Variants in SRP19 observed in about 807,000 individuals in gnomAD.
SRP19 encodes the protein signal recognition particle 19 kDa protein.
In SRP19, 11 loss-of-function variants were observed where a neutral mutation model predicts 22.4. That is an observed-to-expected ratio of 0.49 (90% CI 0.31 to 0.81). SRP19 has a LOEUF of 0.81. Among genes scored for constraint, SRP19 ranks in the 40% least tolerant of loss-of-function variants. The pLI is 0.05. For missense variants in SRP19, 168 were observed against 175.9 expected (o/e 0.96, Z 0.25); for synonymous variants, 61 against 57.6 (o/e 1.06, Z -0.27).
At chr5:112,890,488 C>T (rs533096666) in intron 4 of SRP19, among the ~76,000 whole-genome samples, 1 of 150,272 alleles carries the variant, frequency 6.7e-6, no homozygotes, top group Non-Finnish European at 1.5e-5. Context: ...CCCGCCTCAG[C>T]CCCCCAGGTA....
exon 5 of SRP19, chr5:112,892,209 C>T (rs780495653): frequency 1.1e-5 from 17 of 1,614,126 alleles, no homozygotes; most frequent in Admixed American, 1.7e-5. Flanking sequence ...GATTTGGAGA[C>T]AGATGTTCAC....
At chr5:112,863,186 C>A (rs560313626) in intron 2 of SRP19, among the ~76,000 whole-genome samples, 1 of 152,268 alleles carries the variant, frequency 6.6e-6, no homozygotes, top group East Asian at 1.9e-4. Flanking sequence ...CTCAAAAATA[C>A]CAGGATGACC....
chr5:112,891,918 AAAG>A (rs1379914058), exon 5 of SRP19: 1 of 1,292,350 alleles, frequency 7.7e-7, no homozygotes, highest in Non-Finnish European at 1.1e-6. Context: ...AATTCAGAAT[AAAG>A]AAGGAAAAGG....
intron 4 of SRP19, among the ~76,000 whole-genome samples, chr5:112,889,992 A>G (rs573908911): frequency 1.3e-5 from 2 of 150,398 alleles, no homozygotes; most frequent in African/African-American, 5.0e-5. Context: ...ATGCCCAGCT[A>G]ATTTTTGTAT....
intron 4 of SRP19, among the ~76,000 whole-genome samples, chr5:112,887,900 C>T (rs1768309453): frequency 1.3e-5 from 2 of 152,164 alleles, no homozygotes; most frequent in South Asian, 4.1e-4. Context: ...CAACTCGTCA[C>T]TTCAAGTCAT....
intron 4 of SRP19, chr5:112,885,646 C>A: frequency 3.4e-6 from 1 of 296,616 alleles, no homozygotes. Flanking sequence ...CAGCCTGGAG[C>A]AGCTCCCAGA....
Position 112,867,542 on chromosome 5 carries a change from G to C in SRP19, c.*5G>C. The C allele has an allele frequency of 1.2e-6, 2 of 1,605,664 alleles. No homozygotes were observed. The highest frequency in any genetic ancestry group is 1.1e-5 in the South Asian group (1 of 90,336). On this transcript the variant is annotated 3_prime_UTR_variant, in exon 5 of 5. Coordinates refer to ENST00000505459, the MANE Select transcript of SRP19 (RefSeq NM_003135.3). ...AAAGGAAAGAAAAAGAAGTAACCTA[G>C]TATCAGCATCAAGTATGTGGTACTA...
Position 112,861,472 on chromosome 5 carries a change from A to G in SRP19, c.41+55A>G, listed in dbSNP as rs137972682. 7.8e-4 allele frequency: 1,233 copies of G among 1,586,624 alleles called. 10 individuals carry two copies. In the African/African-American group the frequency reaches 0.014, roughly 19 times the overall value. Reference sequence around the variant, plus strand: ...AGGAAGGGGCTTGCTGTGGTGCTGCAGGTGCTACACCGCGCTTCTCCGCTC... The same window carrying G: ...AGGAAGGGGCTTGCTGTGGTGCTGCGGGTGCTACACCGCGCTTCTCCGCTC... On this transcript the variant is annotated intron_variant, in intron 1 of 4. Coordinates refer to ENST00000505459, the MANE Select transcript of SRP19 (RefSeq NM_003135.3).
At chr5:112,892,625 A>G in exon 5 of SRP19, 2 of 1,614,158 alleles carry the variant, frequency 1.2e-6, no homozygotes, top group South Asian at 2.2e-5. Flanking sequence ...CCAAGAGGAA[A>G]ACACTGCAAC....
chr5:112,878,709 A>G (rs1767971283), intron 4 of SRP19: 3 of 1,558,640 alleles, frequency 1.9e-6, no homozygotes, highest in African/African-American at 2.8e-5. Flanking sequence ...TAAAATAATT[A>G]TACCACAGTC....
intron 4 of SRP19, among the ~76,000 whole-genome samples, chr5:112,890,133 A>G (rs1768390018): frequency 6.7e-6 from 1 of 149,876 alleles, no homozygotes; most frequent in African/African-American, 2.5e-5. Flanking sequence ...GGCCACAAAA[A>G]ATAAATTTAA....
At chr5:112,887,023 G>T in intron 4 of SRP19, 1 of 1,602,530 alleles carries the variant, frequency 6.2e-7, no homozygotes. Context: ...ACCTTCTTTA[G>T]TGATGGCATC....
Position 112,867,604 on chromosome 5 carries a change from C to G in SRP19, c.*67C>G, listed in dbSNP as rs148878701. ...ATGAATGGAGACTTCTAATTTGTAT[C>G]GGAGGGAAACAGAAGCTTTTTGTTT... On this transcript the variant is annotated 3_prime_UTR_variant, in exon 5 of 5. Transcript: ENST00000505459. 2.1e-6 allele frequency: 3 copies of G among 1,439,282 alleles called. No individual in the cohort carries two copies. The Admixed American group carries it at 8.2e-5, about 39-fold the overall frequency. 89.2% of individuals were successfully genotyped at this position (1,439,282 alleles called of 1,614,324 possible). A position where few individuals can be genotyped will look rare whatever the true frequency, so the allele number is the denominator to read the frequency against.
At position 112,863,870 on chromosome 5, in the gene SRP19, G is replaced by A. The variant is rs537109928; in HGVS notation, c.118-587G>A. Among the ~76,000 whole-genome samples, 3 of 152,232 alleles carry A rather than the reference G, an allele frequency of 2.0e-5. No homozygotes were observed. In the East Asian group the frequency reaches 5.8e-4, roughly 29 times the overall value. ...TGTAGCAATGAGATTTCTCCATGTT[G>A]TCCAGGCTTGTCTCAAACTCCTGAG... is the stretch of plus-strand genomic sequence containing the variant. On this transcript the variant is annotated intron_variant, in intron 2 of 4. Coordinates refer to ENST00000505459, the MANE Select transcript of SRP19 (RefSeq NM_003135.3).
intron 4 of SRP19, among the ~76,000 whole-genome samples, chr5:112,889,913 G>A (rs1004937321): frequency 2.7e-5 from 4 of 148,078 alleles, no homozygotes; most frequent in Admixed American, 1.4e-4. Context: ...TGCAACCTCC[G>A]CCTCCCGGAT....
At chr5:112,890,683 T>G (rs1396617405) in intron 4 of SRP19, among the ~76,000 whole-genome samples, 2 of 150,370 alleles carry the variant, frequency 1.3e-5, no homozygotes, top group Non-Finnish European at 2.9e-5. Context: ...TGGCCTAAAA[T>G]CTCACTCTAA....
At chr5:112,892,962 G>T in exon 5 of SRP19, 1 of 1,595,128 alleles carries the variant, frequency 6.3e-7, no homozygotes, top group Non-Finnish European at 8.6e-7. Context: ...AGGGCCGCCG[G>T]AGCCAGAGCC....
chr5:112,888,915 T>G lies in SRP19; in HGVS notation c.302-2688T>G, dbSNP rs541482517. 1.1e-4 allele frequency among the ~76,000 whole-genome samples: 17 copies of G among 150,926 alleles called. 1 individual carries two copies. In the Middle Eastern group the frequency reaches 0.014, roughly 122 times the overall value. Reference sequence around the variant, plus strand: ...GTTGTGGAAAGGACAGGGTGAGAGATAACTGAATCATGGGGGTGGTTTCCT... The same window carrying G: ...GTTGTGGAAAGGACAGGGTGAGAGAGAACTGAATCATGGGGGTGGTTTCCT... On this transcript the variant is annotated intron_variant, in intron 4 of 4. Transcript: ENST00000391338.
At chr5:112,866,983 A>G (rs1219060229) in intron 4 of SRP19, among the ~76,000 whole-genome samples, 1 of 151,742 alleles carries the variant, frequency 6.6e-6, no homozygotes, top group Non-Finnish European at 1.5e-5. Flanking sequence ...GATCTTACCC[A>G]TCGGATCGCT....
Sources: gnomAD v4.1 joint callset for allele counts (sites outside exome capture counted in the v4.1 genomes callset) on GRCh38, gnomAD v4.1.1 for gene constraint, MANE v1.5 for transcripts, NCBI Gene and HGNC (gene_info 2026-07-23, HGNC 2026-07-21) for gene names.